The following CRACDL variants were observed in gnomAD, a reference collection of about 807,000 sequenced individuals.
CRACDL encodes the protein CRACD like, also known as CRACD-like protein.
A neutral mutation model predicts 70.6 loss-of-function variants in CRACDL; 26 were observed. The observed-to-expected ratio is 0.37, with a 90% CI of 0.27 to 0.51. The LOEUF (loss-of-function observed/expected upper bound fraction) is 0.51, where lower values mean the gene tolerates loss of function less well. CRACDL is among the 20% of genes least tolerant of loss of function. The pLI is 0.94. For synonymous variants in CRACDL, 618 were observed against 615.2 expected, an observed-to-expected ratio of 1.00 and a Z score of -0.07; for missense variants, 1,283 against 1,376.9, an observed-to-expected ratio of 0.93 and a Z score of 1.08.
intron 1 of CRACDL, among the ~76,000 whole-genome samples, chr2:98,859,774 T>C (rs902366106): frequency 1.3e-5 from 2 of 152,162 alleles, no homozygotes; most frequent in Non-Finnish European, 2.9e-5. Flanking sequence ...ACTGTCACAC[T>C]GATAATCAAC....
chr2:98,928,000 G>A (rs1708975615), intron 1 of CRACDL, among the ~76,000 whole-genome samples: 1 of 152,054 alleles, frequency 6.6e-6, no homozygotes, highest in Non-Finnish European at 1.5e-5. Context: ...GGCCAACACG[G>A]TGAAACCCTG....
At chr2:98,913,546 G>A (rs1465231369) in intron 1 of CRACDL, among the ~76,000 whole-genome samples, 2 of 152,114 alleles carry the variant, frequency 1.3e-5, no homozygotes, top group Non-Finnish European at 2.9e-5. Flanking sequence ...AAGGACCCAC[G>A]GGGCTGGCTG....
At chr2:98,815,119 T>C (rs1704729472) in intron 7 of CRACDL, among the ~76,000 whole-genome samples, 1 of 152,228 alleles carries the variant, frequency 6.6e-6, no homozygotes, top group African/African-American at 2.4e-5. Context: ...GAATGTGGCA[T>C]AATAGTTGCT....
At chr2:98,794,840 T>C (rs1316670889) in intron 9 of CRACDL, among the ~76,000 whole-genome samples, 169 bp from the exon 10 acceptor site, 2 of 151,912 alleles carry the variant, frequency 1.3e-5, no homozygotes, top group Admixed American at 6.6e-5. Context: ...GAATATGTCA[T>C]TTATGTGATA....
chr2:98,855,451 C>A (rs991157011), intron 1 of CRACDL, among the ~76,000 whole-genome samples: 18 of 151,816 alleles, frequency 1.2e-4, no homozygotes, highest in Non-Finnish European at 1.5e-5. Context: ...ATTGGTAAAT[C>A]TGACTAAAAA....
chr2:98,900,343 G>C (rs1223907297), intron 1 of CRACDL, among the ~76,000 whole-genome samples: 1 of 149,582 alleles, frequency 6.7e-6, no homozygotes, highest in African/African-American at 2.5e-5. Context: ...TCAGTAGGAG[G>C]GGAGGCAGAG....
chr2:98,883,329 G>C (rs1340955721), intron 1 of CRACDL, among the ~76,000 whole-genome samples: 1 of 152,218 alleles, frequency 6.6e-6, no homozygotes, highest in East Asian at 1.9e-4. Context: ...TTGGCATGGA[G>C]GAACAGTGGT....
In CRACDL at chr2:98,805,526, A is replaced by C. The variant is rs142851997; in HGVS notation, c.2417-7989T>G. Among the ~76,000 whole-genome samples, 80 of 151,972 alleles carry C rather than the reference A, an allele frequency of 5.3e-4. No homozygotes were observed. The Middle Eastern group carries it at 0.014, about 26-fold the overall frequency. The stretch of plus-strand genomic sequence containing the variant: ...GGCCTCACCCCCTTTGCCTTTTCTA[A>C]CCACTGCCTCCCCTCATCCACACAA... On this transcript the variant is annotated intron_variant, in intron 7 of 9. Coordinates refer to ENST00000397899, the MANE Select transcript of CRACDL (RefSeq NM_207362.3).
intron 1 of CRACDL, among the ~76,000 whole-genome samples, chr2:98,870,298 C>G (rs988173725): frequency 6.6e-6 from 1 of 152,170 alleles, no homozygotes; most frequent in South Asian, 2.1e-4. Context: ...TGAAAAAGCC[C>G]TAGTTTGCTT....
intron 1 of CRACDL, among the ~76,000 whole-genome samples, chr2:98,904,472 C>T (rs773137351): frequency 4.6e-5 from 7 of 152,224 alleles, no homozygotes; most frequent in Admixed American, 2.0e-4. Flanking sequence ...GGGAAACCCA[C>T]GTGATTGTTC....
intron 1 of CRACDL, among the ~76,000 whole-genome samples, chr2:98,898,978 T>C (rs1708198556): frequency 6.6e-6 from 1 of 152,208 alleles, no homozygotes; most frequent in African/African-American, 2.4e-5. Context: ...CTTTTTGTTG[T>C]AACTGAAAAA....
At position 98,863,415 on chromosome 2, in the gene CRACDL, T is replaced by C. The variant is rs138028118; in HGVS notation, c.-10-16605A>G. On this transcript the variant is annotated intron_variant, in intron 1 of 9. Transcript: ENST00000397899. ...AAATGCTAAAAAGAGTCCTGCAGGT[T>C]GAAATGAAAGGACACTAGATATTAA... is the stretch of plus-strand genomic sequence containing the variant. Among the ~76,000 whole-genome samples, 40 of 152,226 alleles carry C rather than the reference T, an allele frequency of 2.6e-4. No individual in the cohort carries two copies. In the East Asian group the frequency reaches 7.3e-3, roughly 28 times the overall value.
At chr2:98,820,449 A>C (rs1311031138) in intron 7 of CRACDL, among the ~76,000 whole-genome samples, 1 of 152,104 alleles carries the variant, frequency 6.6e-6, no homozygotes, top group African/African-American at 2.4e-5. Context: ...CAGGAGAATC[A>C]CTTGAACCCG....
At chr2:98,879,430 T>C (rs1330259417) in intron 1 of CRACDL, among the ~76,000 whole-genome samples, 1 of 152,244 alleles carries the variant, frequency 6.6e-6, no homozygotes. Flanking sequence ...AATATCTTCC[T>C]AGTTTGTAAT....
intron 6 of CRACDL, 52 bp downstream of exon 6, chr2:98,826,923 G>A: frequency 2.8e-6 from 4 of 1,430,018 alleles, no homozygotes; most frequent in Non-Finnish European, 2.9e-6. Context: ...GGGCATAGGG[G>A]GGTGCCAAGC....
Position 98,849,107 on chromosome 2 carries a change from C to T in CRACDL, c.-10-2297G>A, listed in dbSNP as rs116819210. On this transcript the variant is annotated intron_variant, in intron 1 of 9. Coordinates refer to ENST00000397899, the MANE Select transcript of CRACDL (RefSeq NM_207362.3). ...TGTCCCCAGTGGGGCTCAAGAGAAGCTGGAGAATCCAAAGGACAGGATCTC... is the reference window on the plus strand; with the variant it reads ...TGTCCCCAGTGGGGCTCAAGAGAAGTTGGAGAATCCAAAGGACAGGATCTC... Among the ~76,000 whole-genome samples the T allele has an allele frequency of 2.9e-3, 437 of 152,342 alleles. 2 individuals carry two copies. Among genetic ancestry groups the T allele is most frequent in the Middle Eastern group, 0.01 (3 of 294 alleles).
rs752811029 is a variant in CRACDL, at chr2:98,838,286, T to C, written c.72A>G (p.Gly24=). 6.4e-7 allele frequency: 1 copy of C among 1,555,266 alleles called. No homozygotes were observed. Among genetic ancestry groups the C allele is most frequent in the Non-Finnish European group, 8.8e-7 (1 of 1,136,112 alleles). Residue 24 remains glycine, a splice_region_variant and synonymous_variant, in exon 3 of 10, where the codon GGA becomes GGG. Coordinates refer to ENST00000397899, the MANE Select transcript of CRACDL (RefSeq NM_207362.3). The part of the protein sequence containing the change: ...AAEGLGEDST[G]KKKSKFKTFK... ...AAGTTTTGAATTTAGATTTTTTCTT[T>C]CCTATACAGATTAGAGAAAAAAATA...
intron 1 of CRACDL, among the ~76,000 whole-genome samples, chr2:98,916,773 G>C (rs1421416611): frequency 6.6e-6 from 1 of 152,106 alleles, no homozygotes; most frequent in Non-Finnish European, 1.5e-5. Context: ...CCAGAGAAGG[G>C]GTGAGAGGCC....
At chr2:98,848,969 G>A (rs1204258329) in intron 1 of CRACDL, among the ~76,000 whole-genome samples, 1 of 152,202 alleles carries the variant, frequency 6.6e-6, no homozygotes, top group African/African-American at 2.4e-5. Context: ...CACACTGACT[G>A]CATACCCAGC....
Sources: gnomAD v4.1 joint callset for allele counts (sites outside exome capture counted in the v4.1 genomes callset) on GRCh38, gnomAD v4.1.1 for gene constraint, MANE v1.5 for transcripts, NCBI Gene and HGNC (gene_info 2026-07-23, HGNC 2026-07-21) for gene names.